The following MACIR variants were observed in gnomAD, a reference collection of about 807,000 sequenced individuals.
The protein encoded by MACIR is macrophage immunometabolism regulator, also known as UNC119-binding protein C5orf30.
A neutral mutation model predicts 14.3 loss-of-function variants in MACIR; 4 were observed. That is an observed-to-expected ratio of 0.28 (90% CI 0.14 to 0.64). The LOEUF is 0.64. Ranked by LOEUF, MACIR falls within the 30% of genes least tolerant of loss-of-function variation. The pLI is 0.83. For missense variants in MACIR, 228 were observed against 257.6 expected (o/e 0.89, Z 0.79); for synonymous variants, 101 against 102.4 (o/e 0.99, Z 0.08).
chr5:103,259,907 G>C (rs1554236059), intron 1 of MACIR: 1 of 152,314 alleles, frequency 6.6e-6, no homozygotes, highest in Non-Finnish European at 1.5e-5. Context: ...GTCTCCGCCA[G>C]AAAGGAGATG....
intron 1 of MACIR, among the ~76,000 whole-genome samples, chr5:103,262,494 T>C (rs115085379): frequency 0.013 from 1,940 of 152,322 alleles, 12 homozygotes; most frequent in Middle Eastern, 0.034. Flanking sequence ...AATTGAGATA[T>C]ATAGTCACTC....
chr5:103,276,502 C>A lies in MACIR; in HGVS notation c.583C>A (p.Leu195Ile). The stretch of plus-strand genomic sequence containing the variant: ...ACAGTACCAGCTTCAACACCTAACC[C>A]TCCGAGGGGACCGTGTGTTTGCTAG... ...VLQYQLQHLTLRGDRVFARNN... is the reference protein window; with the variant it reads ...VLQYQLQHLTIRGDRVFARNN... Residue 195 changes from leucine to isoleucine, a missense_variant, in exon 3 of 3, where the codon CTC becomes ATC. Transcript: ENST00000319933. 6.2e-7 allele frequency: 1 copy of A among 1,612,610 alleles called. No homozygotes were observed. The highest frequency in any genetic ancestry group is 2.2e-5 in the East Asian group (1 of 44,864).
At position 103,276,287 on chromosome 5, in the gene MACIR, A is replaced by G. The variant is rs1359614220; in HGVS notation, c.368A>G (p.Asn123Ser). The G allele has an allele frequency of 1.2e-5, 19 of 1,612,536 alleles. No homozygotes were observed. The highest frequency in any genetic ancestry group is 1.4e-5 in the Non-Finnish European group (16 of 1,179,790). ...YYQPYEIPAV[N>S]GRRRRRMPSS... ...CAGCCATACGAGATTCCAGCTGTCA[A>G]TGGCAGGAGGCGAAGGCGGATGCCA... Residue 123 changes from asparagine to serine, a missense_variant, in exon 3 of 3, where the codon AAT becomes AGT. Physicochemically the swap from Asn to Ser is conservative, Grantham distance 46 (BLOSUM62 1). Coordinates refer to ENST00000319933, the MANE Select transcript of MACIR (RefSeq NM_033211.4).
intron 2 of MACIR, among the ~76,000 whole-genome samples, chr5:103,267,949 C>T (rs956823509): frequency 1.3e-5 from 2 of 152,084 alleles, no homozygotes; most frequent in Non-Finnish European, 2.9e-5. Context: ...CAGAATGCCA[C>T]GTAAGTAGAA....
intron 2 of MACIR, among the ~76,000 whole-genome samples, chr5:103,271,785 AT>A (rs1805136718): frequency 1.3e-5 from 2 of 151,888 alleles, no homozygotes; most frequent in African/African-American, 4.8e-5. Context: ...TTCTTGTTTC[AT>A]TTTCTGTTTT....
chr5:103,266,112 G>T (rs1227192322), intron 2 of MACIR, 115 bp downstream of exon 2: 3 of 152,120 alleles, frequency 2.0e-5, no homozygotes, highest in Admixed American at 6.6e-5. Context: ...AGTTAATCAA[G>T]TGAATGTGAA....
chr5:103,260,856 G>A (rs1804657739), intron 1 of MACIR, among the ~76,000 whole-genome samples: 1 of 152,192 alleles, frequency 6.6e-6, no homozygotes, highest in Admixed American at 6.5e-5. Context: ...TTTGTCACCA[G>A]CCTATCAAAA....
chr5:103,266,546 G>A (rs1327964676), intron 2 of MACIR, among the ~76,000 whole-genome samples: 1 of 152,038 alleles, frequency 6.6e-6, no homozygotes, highest in Non-Finnish European at 1.5e-5. Flanking sequence ...TCCTTTAGTT[G>A]TCTTTTTTCA....
intron 2 of MACIR, among the ~76,000 whole-genome samples, chr5:103,271,618 T>C (rs1440177232): frequency 6.6e-6 from 1 of 152,156 alleles, no homozygotes; most frequent in Non-Finnish European, 1.5e-5. Flanking sequence ...AAATCTTTCA[T>C]GTTTTATAAA....
intron 1 of MACIR, chr5:103,259,764 C>T (rs1226255111): frequency 1.3e-5 from 2 of 152,272 alleles, no homozygotes; most frequent in East Asian, 3.9e-4. Flanking sequence ...ACCCTCGCCC[C>T]ACCTGTCGCG....
At chr5:103,271,681 A>T (rs991240538) in intron 2 of MACIR, among the ~76,000 whole-genome samples, 1 of 151,854 alleles carries the variant, frequency 6.6e-6, no homozygotes, top group African/African-American at 2.4e-5. Flanking sequence ...GATATTGAAG[A>T]CCTTAGGTGT....
intron 1 of MACIR, among the ~76,000 whole-genome samples, chr5:103,265,512 A>G (rs1554236677): frequency 1.3e-5 from 2 of 152,172 alleles, no homozygotes. Flanking sequence ...GCTAGGAACT[A>G]TGGCCTGTGC....
At position 103,276,158 on chromosome 5, in the gene MACIR, G is replaced by A; in HGVS notation, c.239G>A (p.Gly80Asp). Residue 80 changes from glycine (G) to aspartate (D), a missense_variant, in exon 3 of 3, where the codon GGT becomes GAT. By Grantham distance (94) the Gly-to-Asp change is moderately conservative. Transcript: ENST00000319933. ...LLKLAQKCTG[G>D]EESKAEAMPS... ...AAGTTAGCTCAGAAGTGCACAGGAG[G>A]TGAAGAGAGCAAAGCAGAAGCCATG... 1.2e-6 allele frequency: 2 copies of A among 1,613,940 alleles called. No homozygotes were observed. Among genetic ancestry groups the A allele is most frequent in the Non-Finnish European group, 1.7e-6 (2 of 1,179,990 alleles).
At chr5:103,268,191 G>T (rs1296156366) in intron 2 of MACIR, among the ~76,000 whole-genome samples, 1 of 152,126 alleles carries the variant, frequency 6.6e-6, no homozygotes, top group African/African-American at 2.4e-5. Flanking sequence ...TCTTGGGTTA[G>T]ATATCTATGA....
intron 2 of MACIR, among the ~76,000 whole-genome samples, chr5:103,272,376 T>TTTTTC (rs1554237189): frequency 6.6e-6 from 1 of 150,916 alleles, no homozygotes. Flanking sequence ...TTTTTTTTTT[T>TTTTTC]CCAGAATTCT....
chr5:103,272,083 G>C (rs2149931405), intron 2 of MACIR, among the ~76,000 whole-genome samples: 1 of 152,202 alleles, frequency 6.6e-6, no homozygotes, highest in South Asian at 2.1e-4. Flanking sequence ...TGTTTATCTT[G>C]GCAGCAAGCT....
chr5:103,269,233 AAC>A (rs1805040566), intron 2 of MACIR, among the ~76,000 whole-genome samples: 1 of 151,934 alleles, frequency 6.6e-6, no homozygotes, highest in South Asian at 2.1e-4. Context: ...ACAAACAAAA[AAC>A]ACAAAAATAG....
chr5:103,260,114 G>A (rs1279061658), intron 1 of MACIR, among the ~76,000 whole-genome samples: 1 of 151,862 alleles, frequency 6.6e-6, no homozygotes, highest in Non-Finnish European at 1.5e-5. Flanking sequence ...CTGGAGCTGG[G>A]AACTTTTTAT....
intron 1 of MACIR, among the ~76,000 whole-genome samples, chr5:103,261,637 T>C (rs1383617520): frequency 9.6e-5 from 14 of 146,532 alleles, no homozygotes; most frequent in African/African-American, 3.5e-4. Flanking sequence ...CCTGTTTTTC[T>C]TTTTCTTTCT....
Sources: gnomAD v4.1 joint callset for allele counts (sites outside exome capture counted in the v4.1 genomes callset) on GRCh38, gnomAD v4.1.1 for gene constraint, MANE v1.5 for transcripts, NCBI Gene and HGNC (gene_info 2026-07-23, HGNC 2026-07-21) for gene names.